Variants in GRM8 observed in about 807,000 individuals in gnomAD.
GRM8 encodes the protein glutamate metabotropic receptor 8, also known as metabotropic glutamate receptor 8.
In GRM8, 47 loss-of-function variants were observed where a neutral mutation model predicts 87.2. The ratio of observed to expected loss-of-function variants is 0.54; its 90% CI spans 0.43 to 0.69. The LOEUF (loss-of-function observed/expected upper bound fraction) is 0.69, where lower values mean the gene tolerates loss of function less well. Among genes scored for constraint, GRM8 ranks in the 30% least tolerant of loss-of-function variants. The pLI is 0.00. For synonymous variants in GRM8, 396 were observed against 404.5 expected (o/e 0.98, Z 0.25); for missense variants, 1,019 against 1,139.2 (o/e 0.89, Z 1.52).
At chr7:126,514,133 T>C (rs1190822127) in intron 9 of GRM8, among the ~76,000 whole-genome samples, 1 of 152,156 alleles carries the variant, frequency 6.6e-6, no homozygotes, top group Non-Finnish European at 1.5e-5. Context: ...TCCCAGTGCC[T>C]ATGGAGATGA....
chr7:126,487,626 A>G (rs1293039620), intron 9 of GRM8, among the ~76,000 whole-genome samples: 2 of 151,948 alleles, frequency 1.3e-5, no homozygotes, highest in South Asian at 2.1e-4. Flanking sequence ...TCATCTATGC[A>G]TCTACTTTTT....
intron 2 of GRM8, among the ~76,000 whole-genome samples, chr7:127,161,568 A>T (rs1332053768): frequency 6.6e-6 from 1 of 152,172 alleles, no homozygotes; most frequent in Non-Finnish European, 1.5e-5. Context: ...GCATACACTT[A>T]TGTGTGCGCA....
chr7:127,248,713 T>C (rs143351566), intron 1 of GRM8, among the ~76,000 whole-genome samples: 235 of 152,304 alleles, frequency 1.5e-3, no homozygotes, highest in Middle Eastern at 6.8e-3. Flanking sequence ...AGTCTAACAA[T>C]CTGTCCTAGA....
At chr7:127,156,729 A>G (rs1291262965) in intron 2 of GRM8, among the ~76,000 whole-genome samples, 2 of 152,210 alleles carry the variant, frequency 1.3e-5, no homozygotes, top group Non-Finnish European at 2.9e-5. Flanking sequence ...ATAAATCAGA[A>G]CTAATGAAAA....
chr7:126,624,367 C>A (rs1050118186), intron 7 of GRM8, among the ~76,000 whole-genome samples: 4 of 152,092 alleles, frequency 2.6e-5, no homozygotes, highest in Non-Finnish European at 4.4e-5. Flanking sequence ...AGTGTTCTTC[C>A]CGACTTGATC....
At chr7:126,737,032 T>C (rs936000620) in intron 7 of GRM8, among the ~76,000 whole-genome samples, 8 of 152,028 alleles carry the variant, frequency 5.3e-5, no homozygotes, top group African/African-American at 1.9e-4. Flanking sequence ...AATAGCCCTT[T>C]CTGAAAACAA....
intron 2 of GRM8, among the ~76,000 whole-genome samples, chr7:127,161,759 T>C (rs902021423): frequency 2.0e-5 from 3 of 152,064 alleles, no homozygotes; most frequent in Non-Finnish European, 4.4e-5. Context: ...ATTCAAAGGG[T>C]ACCCTAGAAC....
At chr7:126,501,928 T>G (rs770942893) in intron 9 of GRM8, among the ~76,000 whole-genome samples, 1 of 151,986 alleles carries the variant, frequency 6.6e-6, no homozygotes, top group Non-Finnish European at 1.5e-5. Context: ...GATCAATGCC[T>G]GGTAGATACA....
At chr7:126,662,708 T>C (rs912844394) in intron 7 of GRM8, among the ~76,000 whole-genome samples, 2 of 152,144 alleles carry the variant, frequency 1.3e-5, no homozygotes, top group African/African-American at 2.4e-5. Flanking sequence ...TGAAAATGTA[T>C]AGACAGCAAG....
intron 7 of GRM8, among the ~76,000 whole-genome samples, chr7:126,647,244 C>A (rs1281082446): frequency 6.6e-6 from 1 of 151,380 alleles, no homozygotes; most frequent in East Asian, 1.9e-4. Context: ...TGTATAAGCA[C>A]ATTTATTGTG....
chr7:126,502,998 C>T (rs1283229922), intron 9 of GRM8, among the ~76,000 whole-genome samples: 5 of 151,992 alleles, frequency 3.3e-5, no homozygotes, highest in African/African-American at 1.2e-4. Flanking sequence ...ATGAGGACCT[C>T]ATTCCTATGG....
rs965465599 is a variant in GRM8 at position 126,715,245 on chromosome 7, A to G, written c.1357+54620T>C. On this transcript the variant is annotated intron_variant, in intron 7 of 10. Coordinates refer to ENST00000339582, the MANE Select transcript of GRM8 (RefSeq NM_000845.3). ...TGGAGAGATGAAATTGCTCATGTGG[A>G]GATGATTAGCATCACAAGGCATTTT... is the stretch of plus-strand genomic sequence containing the variant. Among the ~76,000 whole-genome samples the G allele has an allele frequency of 2.0e-5, 3 of 152,210 alleles. No homozygotes were observed. The East Asian group carries it at 5.8e-4, about 29-fold the overall frequency.
At chr7:126,901,753 G>A (rs1802097580) in intron 6 of GRM8, among the ~76,000 whole-genome samples, 3 of 152,118 alleles carry the variant, frequency 2.0e-5, no homozygotes, top group Admixed American at 2.0e-4. Flanking sequence ...AAGGATTTGT[G>A]CATTTTTGTT....
At chr7:126,806,444 C>T (rs533161143) in intron 6 of GRM8, among the ~76,000 whole-genome samples, 7 of 152,358 alleles carry the variant, frequency 4.6e-5, no homozygotes, top group African/African-American at 1.4e-4. Context: ...GAAGAGGACC[C>T]GAGTGCATTG....
intron 9 of GRM8, among the ~76,000 whole-genome samples, chr7:126,527,263 C>T (rs1256391804): frequency 6.6e-6 from 1 of 152,080 alleles, no homozygotes; most frequent in Non-Finnish European, 1.5e-5. Flanking sequence ...GAGGCTGAGG[C>T]AAGAGAATCG....
chr7:126,962,469 A>G (rs1809419130), intron 3 of GRM8, among the ~76,000 whole-genome samples: 1 of 152,242 alleles, frequency 6.6e-6, no homozygotes, highest in African/African-American at 2.4e-5. Context: ...ATTTCAATAT[A>G]TTTCAACAAA....
intron 6 of GRM8, among the ~76,000 whole-genome samples, chr7:126,881,308 C>T (rs1241630501): frequency 6.6e-6 from 1 of 152,118 alleles, no homozygotes; most frequent in Non-Finnish European, 1.5e-5. Context: ...GCAGTGTTTC[C>T]TTAGGAGCCC....
intron 3 of GRM8, among the ~76,000 whole-genome samples, chr7:126,988,339 T>C (rs759102164): frequency 6.6e-6 from 1 of 152,236 alleles, no homozygotes; most frequent in Non-Finnish European, 1.5e-5. Context: ...AAAATTGCTA[T>C]AGAAGCACTT....
At position 127,095,797 on chromosome 7, in the gene GRM8, G is replaced by A. The variant is rs538647507; in HGVS notation, c.727+10699C>T. 9.6e-4 allele frequency: 146 copies of A among 152,188 alleles called. 1 individual carries two copies. The highest frequency in any genetic ancestry group is 3.3e-3 in the African/African-American group (139 of 41,504). 9.4% of individuals were successfully genotyped at this position (152,188 alleles called of 1,614,324 possible). ...TGCCTCTAAATGATGCCTCCATTGA[G>A]GCAAAGATCACATGAATTTGTAATT... On this transcript the variant is annotated intron_variant, in intron 3 of 10. Coordinates refer to ENST00000339582, the MANE Select transcript of GRM8 (RefSeq NM_000845.3).
Sources: gnomAD v4.1 joint callset for allele counts (sites outside exome capture counted in the v4.1 genomes callset) on GRCh38, gnomAD v4.1.1 for gene constraint, MANE v1.5 for transcripts, NCBI Gene and HGNC (gene_info 2026-07-23, HGNC 2026-07-21) for gene names.